The following PIWIL4 variants were observed in gnomAD, a reference collection of about 807,000 sequenced individuals.
PIWIL4 encodes piwi-like protein 4.
In PIWIL4, 50 loss-of-function variants were observed where a neutral mutation model predicts 100.9. The ratio of observed to expected loss-of-function variants is 0.50; its 90% CI spans 0.39 to 0.63. PIWIL4 has a LOEUF of 0.63. PIWIL4 is among the 20% of genes least tolerant of loss of function. The pLI is 0.00. For missense variants in PIWIL4, 887 were observed against 1,043.3 expected (o/e 0.85, Z 2.06); for synonymous variants, 342 against 367.5 (o/e 0.93, Z 0.79).
Position 94,567,494 on chromosome 11 carries a change from T to A in PIWIL4, c.-25T>A. ...CCTAACTGAGACTTTGCAGCTCTTG[T>A]GGCCACTCTGGGCTCACCGGGAACA... On this transcript the variant is annotated 5_prime_UTR_variant, in exon 1 of 20. Coordinates refer to ENST00000299001, the MANE Select transcript of PIWIL4 (RefSeq NM_152431.3). 2.6e-6 allele frequency: 4 copies of A among 1,531,698 alleles called. No homozygotes were observed. Among genetic ancestry groups the A allele is most frequent in the Non-Finnish European group, 2.6e-6 (3 of 1,134,550 alleles). The allele number at this position is 1,531,698 out of a possible 1,614,324, so 94.9% of individuals were successfully genotyped here. A position where few individuals can be genotyped will look rare whatever the true frequency, so the allele number is the denominator to read the frequency against.
intron 11 of PIWIL4, among the ~76,000 whole-genome samples, chr11:94,600,901 G>A (rs1007628448): frequency 4.6e-5 from 7 of 151,748 alleles, no homozygotes; most frequent in South Asian, 2.1e-4. Flanking sequence ...GCTCTGTTCC[G>A]CCCGGCTCAC....
At chr11:94,596,316 T>TA (rs1287562809) in intron 10 of PIWIL4, among the ~76,000 whole-genome samples, 8 of 151,874 alleles carry the variant, frequency 5.3e-5, no homozygotes, top group Non-Finnish European at 1.2e-4. Context: ...GAAACTTACG[T>TA]AGCACAAAGA....
In PIWIL4 at chr11:94,620,114, C is replaced by T. The variant is rs752573443; in HGVS notation, c.2412C>T (p.Phe804=). Residue 804 remains phenylalanine (F), a synonymous_variant, in exon 19 of 20, where the codon TTC becomes TTT. Coordinates refer to ENST00000299001, the MANE Select transcript of PIWIL4 (RefSeq NM_152431.3). The part of the protein sequence containing the change: ...LKPDHMQRLT[F]KLCHLYYNWP... The stretch of plus-strand genomic sequence containing the variant: ...CCGACCATATGCAGAGACTTACATT[C>T]AAATTGTGCCACCTGTACTACAACT... 5 of 1,608,998 alleles carry T rather than the reference C, an allele frequency of 3.1e-6. No individual in the cohort carries two copies. The Admixed American group carries it at 8.4e-5, about 27-fold the overall frequency.
chr11:94,572,726 G>C (rs1389994449), intron 2 of PIWIL4, among the ~76,000 whole-genome samples: 2 of 152,204 alleles, frequency 1.3e-5, no homozygotes, highest in Non-Finnish European at 2.9e-5. Flanking sequence ...GTAGCGTGAT[G>C]CTGCCAGCTT....
At position 94,587,265 on chromosome 11, in the gene PIWIL4, A is replaced by C. The variant is rs758093676; in HGVS notation, c.914+18A>C. On this transcript the variant is annotated intron_variant, in intron 7 of 19. Transcript: ENST00000299001. ...CTTACAAGGTACAAGCCTGCGTCTAAATAAACTTTTCTTCAGAAATCAATC... is the reference window on the plus strand; with the variant it reads ...CTTACAAGGTACAAGCCTGCGTCTACATAAACTTTTCTTCAGAAATCAATC... 1.6e-5 allele frequency: 26 copies of C among 1,598,414 alleles called. No individual in the cohort carries two copies. In the African/African-American group the frequency reaches 3.1e-4, roughly 19 times the overall value.
At position 94,591,209 on chromosome 11, in the gene PIWIL4, T is replaced by G. The variant is rs183285214; in HGVS notation, c.1026+1977T>G. ...CTTATATTTCTCAGCATCCCTCCTA[T>G]GCACCCCATGCCTTTATCACCCCAT... On this transcript the variant is annotated intron_variant, in intron 8 of 19. Coordinates refer to ENST00000299001, the MANE Select transcript of PIWIL4 (RefSeq NM_152431.3). Among the ~76,000 whole-genome samples the G allele has an allele frequency of 1.4e-4, 21 of 152,330 alleles. No individual in the cohort carries two copies. The East Asian group carries it at 3.9e-3, about 28-fold the overall frequency.
At position 94,568,828 on chromosome 11, in the gene PIWIL4, T is replaced by G; in HGVS notation, c.166+20T>G. ...CCAACGGTAAGTGCAGCTCAGCCTG[T>G]TCATTTAGTACCATTCAACCTGAAT... is the stretch of plus-strand genomic sequence containing the variant. On this transcript the variant is annotated intron_variant, in intron 2 of 19. Transcript: ENST00000299001. 2 of 1,572,604 alleles carry G rather than the reference T, an allele frequency of 1.3e-6. No individual in the cohort carries two copies. The highest frequency in any genetic ancestry group is 1.8e-6 in the Non-Finnish European group (2 of 1,142,432).
rs1303931706 is a variant in PIWIL4 at position 94,608,596 on chromosome 11, T to C, written c.1853T>C (p.Met618Thr). The change falls in exon 15 of 20, where the codon ATG becomes ACG. Residue 618 changes from methionine to threonine, a missense_variant. Physicochemically the swap from Met to Thr is moderately conservative, Grantham distance 81. Around this residue, in one of 2 missense-constraint regions of PIWIL4, gnomAD observed 741 missense variants for 930.0 expected, o/e 0.80. Coordinates refer to ENST00000299001, the MANE Select transcript of PIWIL4 (RefSeq NM_152431.3). ...TTAATTTTATAGTTAAAGTCCCTGA[T>C]GGTGGTCGGTATTGATGTCTGTAAA... ...WAVEIPLKSL[M>T]VVGIDVCKDA... 24 of 1,613,828 alleles carry C rather than the reference T, an allele frequency of 1.5e-5. No homozygotes were observed. Among genetic ancestry groups the C allele is most frequent in the Non-Finnish European group, 2.0e-5 (24 of 1,179,852 alleles).
chr11:94,598,705 C>CTTTTT (rs769342028), intron 11 of PIWIL4, among the ~76,000 whole-genome samples: 20 of 110,062 alleles, frequency 1.8e-4, no homozygotes, highest in South Asian at 9.1e-4. Context: ...TTTTTTCCAT[C>CTTTTT]TTTTTTTTTT....
chr11:94,606,855 G>A (rs2135291442), intron 13 of PIWIL4, among the ~76,000 whole-genome samples: 1 of 151,508 alleles, frequency 6.6e-6, no homozygotes, highest in Non-Finnish European at 1.5e-5. Context: ...AAAAGCCAGG[G>A]GACTTGAAAC....
At chr11:94,600,198 A>T (rs551594101) in intron 11 of PIWIL4, among the ~76,000 whole-genome samples, 2 of 152,186 alleles carry the variant, frequency 1.3e-5, no homozygotes, top group African/African-American at 2.4e-5. Context: ...GTGAGAAAGG[A>T]GTCTCCATCC....
intron 9 of PIWIL4, among the ~76,000 whole-genome samples, chr11:94,594,334 C>T (rs1948525716): frequency 6.6e-6 from 1 of 151,586 alleles, no homozygotes; most frequent in Non-Finnish European, 1.5e-5. Context: ...GGCCCGGTGG[C>T]ACGCGTCTGT....
intron 11 of PIWIL4, 54 bp from the exon 12 acceptor site, chr11:94,601,741 A>T: frequency 2.6e-6 from 4 of 1,568,428 alleles, no homozygotes; most frequent in Non-Finnish European, 3.5e-6. Context: ...GTCTTTATTT[A>T]GCTGCTCTCT....
Position 94,574,987 on chromosome 11 carries a change from T to C in PIWIL4, c.167-12T>C, listed in dbSNP as rs538384652. 2 of 1,610,332 alleles carry C rather than the reference T, an allele frequency of 1.2e-6. No homozygotes were observed. The highest frequency in any genetic ancestry group is 2.2e-5 in the East Asian group (1 of 44,794). On this transcript the variant is annotated splice_polypyrimidine_tract_variant and intron_variant, in intron 2 of 19. Transcript: ENST00000299001. Reference sequence around the variant, plus strand: ...AAATATTAGCTGTTACCACATTCTCTTCATGTTTTAGATAAATATGGGATA... The same window carrying C: ...AAATATTAGCTGTTACCACATTCTCCTCATGTTTTAGATAAATATGGGATA...
At chr11:94,596,399 TTAA>T (rs1445361055) in intron 10 of PIWIL4, among the ~76,000 whole-genome samples, 2 of 152,120 alleles carry the variant, frequency 1.3e-5, no homozygotes, top group Non-Finnish European at 2.9e-5. Flanking sequence ...CACAATTGAA[TTAA>T]TAATTAATTC....
Position 94,607,427 on chromosome 11 carries a change from T to C in PIWIL4, c.1639-12T>C. 6.2e-7 allele frequency: 1 copy of C among 1,609,278 alleles called. No homozygotes were observed. Among genetic ancestry groups the C allele is most frequent in the Non-Finnish European group, 8.5e-7 (1 of 1,176,768 alleles). ...ATTAACTTCCAAAATCTTTTGCTGT[T>C]TTTGCTTTTAGGTAATGTGCATTCT... On this transcript the variant is annotated splice_polypyrimidine_tract_variant and intron_variant, in intron 13 of 19. Transcript: ENST00000299001.
chr11:94,593,461 G>A (rs11020851), intron 8 of PIWIL4, 57 bp from the exon 9 acceptor site: 605,692 of 1,545,900 alleles, frequency 0.39, 121,617 homozygotes, highest in African/African-American at 0.62. Context: ...ATGTAAGGAT[G>A]CTCACCTGGC....
intron 14 of PIWIL4, 97 bp downstream of exon 14, chr11:94,607,736 T>A: frequency 7.7e-7 from 1 of 1,297,152 alleles, no homozygotes. Context: ...AATTATTTGG[T>A]TTGCTTGTTT....
chr11:94,585,437 A>C lies in PIWIL4; in HGVS notation c.636-8A>C, dbSNP rs576608825. ...ATTTACCAAAAATTCAAAAAAATAT[A>C]CTTGCAGGATCCTCAAAAAGTTGTC... On this transcript the variant is annotated splice_polypyrimidine_tract_variant and splice_region_variant and intron_variant, in intron 5 of 19. Transcript: ENST00000299001. The C allele has an allele frequency of 1.2e-6, 2 of 1,600,820 alleles. No homozygotes were observed. Among genetic ancestry groups the C allele is most frequent in the East Asian group, 4.5e-5 (2 of 44,648 alleles).
Sources: allele counts gnomAD v4.1 joint callset (sites outside exome capture counted in the v4.1 genomes callset), GRCh38; gene constraint gnomAD v4.1.1; regional missense constraint gnomAD v4.1.1; transcripts MANE v1.5; gene names NCBI Gene and HGNC (gene_info 2026-07-23, HGNC 2026-07-21).